Variants in HK1 observed in about 807,000 individuals in gnomAD.
The protein encoded by HK1 is hexokinase-1.
Under a neutral mutation model 91.6 loss-of-function variants are expected in HK1, and 28 were observed. The ratio of observed to expected loss-of-function variants is 0.31; its 90% CI spans 0.23 to 0.42. The LOEUF is 0.42. Ranked by LOEUF, HK1 falls within the 10% of genes least tolerant of loss-of-function variation. The pLI, the probability that HK1 is intolerant of heterozygous loss-of-function variation, is 1.00. For missense variants in HK1, 770 were observed against 1,219.8 expected (o/e 0.63, Z 5.49); for synonymous variants, 430 against 468.1 (o/e 0.92, Z 1.05).
intron 3 of HK1, 111 bp from the exon 4 acceptor site, chr10:69,364,668 CTTTG>C: frequency 3.7e-6 from 5 of 1,336,008 alleles, no homozygotes; most frequent in Non-Finnish European, 5.4e-6. Context: ...AGTACGAGCA[CTTTG>C]TTTGGGTAGA....
chr10:69,283,077 T>C (rs1844832223), intron 2 of HK1, among the ~76,000 whole-genome samples: 1 of 144,518 alleles, frequency 6.9e-6, no homozygotes, highest in African/African-American at 2.6e-5. Context: ...TGAGCCAAGA[T>C]TGCGCCACTG....
intron 1 of HK1, among the ~76,000 whole-genome samples, chr10:69,272,182 C>A (rs1844204877): frequency 6.6e-6 from 1 of 152,162 alleles, no homozygotes; most frequent in South Asian, 2.1e-4. Context: ...TTGTGATTTC[C>A]ACTGGAGACA....
chr10:69,308,640 T>C (rs1846218131), intron 5 of HK1, among the ~76,000 whole-genome samples: 2 of 152,158 alleles, frequency 1.3e-5, no homozygotes, highest in Non-Finnish European at 2.9e-5. Flanking sequence ...GGGCCAGGCC[T>C]GGTTTCGGGT....
intron 1 of HK1, among the ~76,000 whole-genome samples, chr10:69,335,712 G>A (rs1420698513): frequency 6.6e-6 from 1 of 152,228 alleles, no homozygotes; most frequent in Non-Finnish European, 1.5e-5. Flanking sequence ...AACGCGCTGT[G>A]CCAATTAGAG....
In HK1 at chr10:69,318,965, C is replaced by T. The variant is rs1240941075; in HGVS notation, c.18C>T (p.Leu6=). 1.2e-6 allele frequency: 2 copies of T among 1,600,434 alleles called. No individual in the cohort carries two copies. Among genetic ancestry groups the T allele is most frequent in the African/African-American group, 1.3e-5 (1 of 74,660 alleles). The change falls in exon 1 of 18, where the codon CTC becomes CTT. Residue 6 remains leucine, a synonymous_variant. Transcript: ENST00000359426. The part of the protein sequence containing the change: MIAAQ[L]LAYYFTELKD... Reference sequence around the variant, plus strand: ...CCGCCAGCATGATCGCCGCGCAGCTCCTGGCCTATTACTTCACGGAGCTGA... The same window carrying T: ...CCGCCAGCATGATCGCCGCGCAGCTTCTGGCCTATTACTTCACGGAGCTGA...
At chr10:69,371,684 G>A (rs1195793296) in intron 7 of HK1, among the ~76,000 whole-genome samples, 1 of 152,200 alleles carries the variant, frequency 6.6e-6, no homozygotes, top group Admixed American at 6.5e-5. Context: ...TGGGAACCCT[G>A]CATGGCTTGG....
In HK1 at chr10:69,344,010, T is replaced by C. The variant is rs747543001; in HGVS notation, c.226+21T>C. ...CTCTGGTAAGTCTGTCACCCAGAGATTGAACCCTGAGGGCTAAATGTTCTG... is the reference window on the plus strand; with the variant it reads ...CTCTGGTAAGTCTGTCACCCAGAGACTGAACCCTGAGGGCTAAATGTTCTG... On this transcript the variant is annotated intron_variant, in intron 2 of 17. Coordinates refer to ENST00000359426, the MANE Select transcript of HK1 (RefSeq NM_000188.3). 7.4e-6 allele frequency: 12 copies of C among 1,612,708 alleles called. No homozygotes were observed. In the South Asian group the frequency reaches 1.2e-4, roughly 16 times the overall value.
rs71478890 is a variant in HK1, at chr10:69,304,259, T to C, written c.27+3398T>C. 3.3e-5 allele frequency among the ~76,000 whole-genome samples: 5 copies of C among 151,064 alleles called. No homozygotes were observed. The South Asian group carries it at 1.0e-3, about 31-fold the overall frequency. ...TTGGAAAAGGGCTGTTATCATCTTG[T>C]TGTATTTTTATTTTTATTATTTATT... On this transcript the variant is annotated intron_variant, in intron 5 of 21. Coordinates refer to the HK1 transcript ENST00000360289.
intron 3 of HK1, chr10:69,288,867 A>G: frequency 2.0e-6 from 2 of 1,013,784 alleles, no homozygotes; most frequent in Non-Finnish European, 3.0e-6. Flanking sequence ...GCTCACTATA[A>G]CCTCTGCCTC....
chr10:69,314,670 TTTTC>T (rs1209643496), upstream of HK1, among the ~76,000 whole-genome samples: 1 of 152,090 alleles, frequency 6.6e-6, no homozygotes, highest in Non-Finnish European at 1.5e-5. Flanking sequence ...CTCTCTTTTC[TTTTC>T]TTTCTTTTTT....
chr10:69,341,617 A>G (rs1218861263), intron 1 of HK1, among the ~76,000 whole-genome samples: 1 of 151,706 alleles, frequency 6.6e-6, no homozygotes, highest in Non-Finnish European at 1.5e-5. Context: ...GGTGTGCATC[A>G]CCATGCTGGG....
intron 3 of HK1, chr10:69,292,326 G>C (rs1395233170): frequency 2.3e-6 from 1 of 440,878 alleles, no homozygotes; most frequent in African/African-American, 2.0e-5. Flanking sequence ...TCCTGCCTCA[G>C]CCTCCTAAAG....
intron 13 of HK1, among the ~76,000 whole-genome samples, chr10:69,388,826 G>C (rs1384999585): frequency 6.6e-6 from 1 of 152,232 alleles, no homozygotes; most frequent in African/African-American, 2.4e-5. Flanking sequence ...CTCAAGGACA[G>C]ATTCTGAGCA....
chr10:69,346,459 A>T (rs1848568192), intron 2 of HK1, among the ~76,000 whole-genome samples: 1 of 151,972 alleles, frequency 6.6e-6, no homozygotes, highest in South Asian at 2.1e-4. Context: ...TGATACATAC[A>T]TTCTGATACC....
In HK1 at chr10:69,276,118, A is replaced by AAAAATATATAT; in HGVS notation, c.-391+6011_-391+6012insAAATATATATA. On this transcript the variant is annotated intron_variant, in intron 1 of 21. Transcript: ENST00000360289. ...AAAAAAAAAAAAAAAAAAAAAAAAA[A>AAAAATATATAT]ATACATATATATATATATATACACA... is the stretch of plus-strand genomic sequence containing the variant. Among the ~76,000 whole-genome samples, 129 of 38,266 alleles carry AAAAATATATAT rather than the reference A, an allele frequency of 3.4e-3. 15 individuals carry two copies. Among genetic ancestry groups the AAAAATATATAT allele is most frequent in the African/African-American group, 3.7e-3 (49 of 13,314 alleles). The allele number at this position is 38,266 out of a possible 152,430, so 25.1% of individuals were successfully genotyped here.
chr10:69,383,339 T>C (rs956218875), intron 10 of HK1, among the ~76,000 whole-genome samples: 1 of 152,194 alleles, frequency 6.6e-6, no homozygotes, highest in African/African-American at 2.4e-5. Flanking sequence ...CCTGGGGAGT[T>C]TCGCATTCAG....
At chr10:69,384,573 C>T (rs531702127) in intron 11 of HK1, 92 bp downstream of exon 11, 375 of 1,533,718 alleles carry the variant, frequency 2.4e-4, no homozygotes, top group Non-Finnish European at 3.1e-4. Flanking sequence ...ACGGGGTGCC[C>T]ACATGGATTT....
At chr10:69,318,066 G>A (rs1181993701), upstream of HK1, 1 of 985,336 alleles carries the variant, frequency 1.0e-6, no homozygotes, top group East Asian at 1.1e-4. Flanking sequence ...CACGACCTGT[G>A]GCCCAAGTCC....
At chr10:69,279,396 T>C (rs1290937718) in intron 1 of HK1, among the ~76,000 whole-genome samples, 1 of 152,216 alleles carries the variant, frequency 6.6e-6, no homozygotes, top group East Asian at 1.9e-4. Context: ...TTCTTTGAAG[T>C]AGAACTTGTC....
Sources: gnomAD v4.1 joint callset for allele counts (sites outside exome capture counted in the v4.1 genomes callset) on GRCh38, gnomAD v4.1.1 for gene constraint, MANE v1.5 for transcripts, NCBI Gene and HGNC (gene_info 2026-07-23, HGNC 2026-07-21) for gene names.